Variants in CRB1 observed in about 807,000 individuals in gnomAD.
CRB1 encodes crumbs cell polarity complex component 1.
Under a neutral mutation model 120.0 loss-of-function variants are expected in CRB1, and 83 were observed. The ratio of observed to expected loss-of-function variants is 0.69; its 90% confidence interval spans 0.58 to 0.83. The LOEUF (loss-of-function observed/expected upper bound fraction) is 0.83. Among genes scored for constraint, CRB1 ranks in the 40% least tolerant of loss-of-function variants. The probability of loss-of-function intolerance (pLI) is 0.00; values close to 1 mark genes in which losing one functional copy is unlikely to be tolerated. For synonymous variants in CRB1, 625 were observed against 612.5 expected, an observed-to-expected ratio of 1.02 and a Z score of -0.30; for missense variants, 1,699 against 1,687.6, an observed-to-expected ratio of 1.01 and a Z score of -0.12.
the CRB1 span, among the ~76,000 whole-genome samples, chr1:197,256,082 T>G: frequency 6.7e-6 from 1 of 149,882 alleles, no homozygotes; most frequent in Non-Finnish European, 1.5e-5. Flanking sequence ...TCATTTTCTC[T>G]TGAACACATT....
At chr1:197,337,665 C>G (rs1209344119) in intron 2 of CRB1, among the ~76,000 whole-genome samples, 2 of 152,072 alleles carry the variant, frequency 1.3e-5, no homozygotes, top group East Asian at 3.9e-4. Flanking sequence ...TTACAGGTAT[C>G]ATTTTCTTAT....
chr1:197,430,890 C>T (rs1229796220), intron 8 of CRB1, among the ~76,000 whole-genome samples: 3 of 151,770 alleles, frequency 2.0e-5, no homozygotes, highest in Non-Finnish European at 4.4e-5. Context: ...ACATTAAGTA[C>T]ATTATCAGCT....
At chr1:197,323,364 C>T (rs755444630) in intron 1 of CRB1, among the ~76,000 whole-genome samples, 5 of 152,070 alleles carry the variant, frequency 3.3e-5, no homozygotes, top group East Asian at 1.9e-4. Context: ...TATATCTGTT[C>T]GTTGATCGAT....
chr1:197,328,888 A>G lies in CRB1; in HGVS notation c.537A>G (p.Gln179=). 4 of 1,614,232 alleles carry G rather than the reference A, an allele frequency of 2.5e-6. No homozygotes were observed. Among genetic ancestry groups the G allele is most frequent in the Non-Finnish European group, 3.4e-6 (4 of 1,180,032 alleles). ...GYSCFCVPGY[Q]GRHCDLEVDE... Reference sequence around the variant, plus strand: ...CCTGCTTCTGTGTCCCAGGATATCAAGGCAGACACTGCGACTTGGAAGTGG... The same window carrying G: ...CCTGCTTCTGTGTCCCAGGATATCAGGGCAGACACTGCGACTTGGAAGTGG... Residue 179 remains glutamine, a synonymous_variant, in exon 2 of 12, where the codon CAA becomes CAG. Transcript: ENST00000367400.
chr1:197,471,043 T>C (rs1666957202), intron 11 of CRB1, among the ~76,000 whole-genome samples: 1 of 152,144 alleles, frequency 6.6e-6, no homozygotes, highest in East Asian at 1.9e-4. Context: ...TTATCTCCAA[T>C]GTGTCCACAG....
chr1:197,443,068 G>A (rs1665532433), intron 11 of CRB1: 1 of 148,528 alleles, frequency 6.7e-6, no homozygotes, highest in Non-Finnish European at 1.5e-5. Flanking sequence ...CCGTTGCAAT[G>A]AGCCAAGATT....
At chr1:197,311,698 A>AGTGT (rs57455433) in intron 1 of CRB1, among the ~76,000 whole-genome samples, 7,851 of 138,892 alleles carry the variant, frequency 0.057, 256 homozygotes, top group Non-Finnish European at 0.063. Flanking sequence ...TCATATAGTT[A>AGTGT]GTGTGTGTGT....
chr1:197,284,811 T>A (rs1447910597), intron 1 of CRB1, among the ~76,000 whole-genome samples: 1 of 151,854 alleles, frequency 6.6e-6, no homozygotes, highest in African/African-American at 2.4e-5. Flanking sequence ...TATTGTAATT[T>A]AAAAAAATAA....
intron 3 of CRB1, among the ~76,000 whole-genome samples, chr1:197,345,135 C>A (rs1248852198): frequency 6.6e-6 from 1 of 152,122 alleles, no homozygotes; most frequent in Non-Finnish European, 1.5e-5. Context: ...CTTTCTAATA[C>A]TTATTTAAGC....
intron 5 of CRB1, among the ~76,000 whole-genome samples, chr1:197,388,394 A>G (rs1276999913): frequency 6.6e-6 from 1 of 152,060 alleles, no homozygotes; most frequent in African/African-American, 2.4e-5. Flanking sequence ...AAAAAACTCA[A>G]TTTCACAGCA....
chr1:197,212,252 C>A, the CRB1 span, among the ~76,000 whole-genome samples: 4 of 152,050 alleles, frequency 2.6e-5, no homozygotes, highest in African/African-American at 9.7e-5. Flanking sequence ...ACATACCATA[C>A]AAACTAACCA....
chr1:197,405,880 G>A (rs576946258), intron 5 of CRB1, among the ~76,000 whole-genome samples: 38 of 151,708 alleles, frequency 2.5e-4, no homozygotes, highest in East Asian at 9.8e-4. Flanking sequence ...TCTCCGCCCC[G>A]CAGCCACCCC....
intron 5 of CRB1, chr1:197,364,097 G>C (rs1316328484): frequency 8.6e-7 from 1 of 1,157,362 alleles, no homozygotes; most frequent in Admixed American, 1.9e-5. Flanking sequence ...CAGATCCGTG[G>C]GTGGGCTGCT....
the CRB1 span, among the ~76,000 whole-genome samples, chr1:197,238,008 C>G: frequency 6.6e-6 from 1 of 152,132 alleles, no homozygotes; most frequent in Non-Finnish European, 1.5e-5. Flanking sequence ...CTCAGCAATA[C>G]TTTCACTGTG....
intron 1 of CRB1, among the ~76,000 whole-genome samples, chr1:197,290,433 A>T (rs1336797615): frequency 2.0e-5 from 3 of 151,684 alleles, no homozygotes; most frequent in Admixed American, 1.3e-4. Context: ...GTTGCTCACC[A>T]CATCCCTGAC....
intron 2 of CRB1, among the ~76,000 whole-genome samples, chr1:197,342,464 G>C (rs75281634): frequency 6.6e-6 from 1 of 151,988 alleles, no homozygotes; most frequent in African/African-American, 2.4e-5. Flanking sequence ...CCTTCTTCTC[G>C]TCTAGCTGTA....
chr1:197,227,151 T>C, the CRB1 span, among the ~76,000 whole-genome samples: 1 of 152,120 alleles, frequency 6.6e-6, no homozygotes, highest in Non-Finnish European at 1.5e-5. Context: ...CAAAGTCTTA[T>C]CTCATTTCAG....
rs554862743 is a variant in CRB1 at position 197,340,054 on chromosome 1, C to A, written c.653-4227C>A. On this transcript the variant is annotated intron_variant, in intron 2 of 11. Coordinates refer to ENST00000367400, the MANE Select transcript of CRB1 (RefSeq NM_201253.3). The stretch of plus-strand genomic sequence containing the variant: ...TGGTGTTAAAGGTCAAAGGCCCTGA[C>A]CTCAAGGAGCTCACAATTTTGTAGA... 4.6e-5 allele frequency among the ~76,000 whole-genome samples: 7 copies of A among 152,258 alleles called. No individual in the cohort carries two copies. In the East Asian group the frequency reaches 1.4e-3, roughly 29 times the overall value.
intron 1 of CRB1, among the ~76,000 whole-genome samples, chr1:197,278,113 A>G (rs1373303197): frequency 6.6e-6 from 1 of 151,872 alleles, no homozygotes; most frequent in African/African-American, 2.4e-5. Flanking sequence ...TCCCCAAATG[A>G]ACATATGTAT....
Sources: allele counts gnomAD v4.1 joint callset (sites outside exome capture counted in the v4.1 genomes callset), GRCh38; gene constraint gnomAD v4.1.1; transcripts MANE v1.5; gene names NCBI Gene and HGNC (gene_info 2026-07-23, HGNC 2026-07-21).